Variants in SEMA6D observed in about 807,000 individuals in gnomAD.
SEMA6D encodes semaphorin 6D.
SEMA6D carries 35 observed loss-of-function variants against 106.6 expected under a neutral mutation model. The observed-to-expected ratio is 0.33, with a 90% CI of 0.25 to 0.44. The LOEUF (loss-of-function observed/expected upper bound fraction) is 0.44, where lower values mean the gene tolerates loss of function less well. Among genes scored for constraint, SEMA6D ranks in the 20% least tolerant of loss-of-function variants. The probability of loss-of-function intolerance (pLI) is 1.00; values close to 1 mark genes in which losing one functional copy is unlikely to be tolerated. For synonymous variants in SEMA6D, 499 were observed against 487.7 expected (o/e 1.02, Z -0.31); for missense variants, 1,185 against 1,345.9 (o/e 0.88, Z 1.87).
At chr15:47,766,490 G>GTT (rs950321375) in intron 15 of SEMA6D, 126 bp from the exon 16 acceptor site, 597 of 369,848 alleles carry the variant, frequency 1.6e-3, no homozygotes, top group South Asian at 3.8e-3. Context: ...TTAAAATGTT[G>GTT]TTTTTTTTTT....
chr15:47,576,020 A>C (rs2076151322), intron 3 of SEMA6D, among the ~76,000 whole-genome samples: 2 of 152,192 alleles, frequency 1.3e-5, no homozygotes, highest in Non-Finnish European at 2.9e-5. Flanking sequence ...TTGCATTACA[A>C]AATATTTTTA....
At chr15:47,289,287 AG>A (rs888766141) in intron 1 of SEMA6D, among the ~76,000 whole-genome samples, 1 of 150,704 alleles carries the variant, frequency 6.6e-6, no homozygotes, top group Non-Finnish European at 1.5e-5. Flanking sequence ...CCAGCTACTC[AG>A]GAGGCCAAAG....
At position 47,528,107 on chromosome 15, in the gene SEMA6D, T is replaced by C. The variant is rs542619854; in HGVS notation, c.-87+57562T>C. Among the ~76,000 whole-genome samples the C allele has an allele frequency of 3.3e-5, 5 of 152,340 alleles. No homozygotes were observed. The South Asian group carries it at 1.0e-3, about 32-fold the overall frequency. On this transcript the variant is annotated intron_variant, in intron 3 of 19. Transcript: ENST00000558014. ...AAAACCAAGGAAGGTGTAAGGCACCTGGTTGATGTAATCCTGAGTCTCTGT... is the reference window on the plus strand; with the variant it reads ...AAAACCAAGGAAGGTGTAAGGCACCCGGTTGATGTAATCCTGAGTCTCTGT...
At chr15:47,618,130 G>T (rs1434935049) in intron 4 of SEMA6D, among the ~76,000 whole-genome samples, 2 of 152,196 alleles carry the variant, frequency 1.3e-5, no homozygotes, top group African/African-American at 4.8e-5. Flanking sequence ...TTAATCCTCT[G>T]TCTGTAAGAT....
At chr15:47,361,902 C>G (rs1057429107) in intron 1 of SEMA6D, among the ~76,000 whole-genome samples, 3 of 152,178 alleles carry the variant, frequency 2.0e-5, no homozygotes, top group African/African-American at 4.8e-5. Context: ...GAGAAACAAA[C>G]TGTACTGTGT....
At chr15:47,284,456 C>T (rs1340977050) in intron 1 of SEMA6D, among the ~76,000 whole-genome samples, 1 of 152,112 alleles carries the variant, frequency 6.6e-6, no homozygotes, top group African/African-American at 2.4e-5. Context: ...GTTTTTAAGT[C>T]CGTTGTACTA....
chr15:47,512,340 C>A (rs1021737345), intron 3 of SEMA6D, among the ~76,000 whole-genome samples: 1 of 152,178 alleles, frequency 6.6e-6, no homozygotes, highest in African/African-American at 2.4e-5. Flanking sequence ...ATTTCTCCTG[C>A]ATGTGTGATC....
intron 2 of SEMA6D, among the ~76,000 whole-genome samples, chr15:47,461,549 A>G (rs2042510140): frequency 1.3e-5 from 2 of 152,108 alleles, no homozygotes; most frequent in South Asian, 4.1e-4. Context: ...CACATAGCAT[A>G]GAACAGTATT....
chr15:47,511,877 T>A (rs1479427423), intron 3 of SEMA6D, among the ~76,000 whole-genome samples: 1 of 152,116 alleles, frequency 6.6e-6, no homozygotes. Context: ...CAGTCTGAAA[T>A]GTGCACTGCA....
rs561568628 is a variant in SEMA6D at position 47,443,784 on chromosome 15, G to A, written c.-158-26690G>A. Among the ~76,000 whole-genome samples the A allele has an allele frequency of 5.8e-4, 88 of 152,188 alleles. 1 individual carries two copies. The South Asian group carries it at 0.018, about 31-fold the overall frequency. ...TTACCAAACTTCAGCAACTTCAGAA[G>A]CCCCTTGGCTTTTTTGGGAAAAAGA... is the stretch of plus-strand genomic sequence containing the variant. On this transcript the variant is annotated intron_variant, in intron 2 of 19. Coordinates refer to the SEMA6D transcript ENST00000558014.
chr15:47,251,906 G>GTTT, intron 1 of SEMA6D, among the ~76,000 whole-genome samples: 1 of 125,474 alleles, frequency 8.0e-6, no homozygotes, highest in East Asian at 4.3e-4. Context: ...TTTCTAATTG[G>GTTT]ATTTTTTTTT....
At chr15:47,436,637 A>G (rs1030647604) in intron 2 of SEMA6D, among the ~76,000 whole-genome samples, 2 of 150,888 alleles carry the variant, frequency 1.3e-5, no homozygotes, top group African/African-American at 4.8e-5. Flanking sequence ...AACATTAAAG[A>G]TGGATATTTT....
At chr15:47,394,162 G>T (rs1384236308) in intron 1 of SEMA6D, among the ~76,000 whole-genome samples, 1 of 152,140 alleles carries the variant, frequency 6.6e-6, no homozygotes, top group African/African-American at 2.4e-5. Flanking sequence ...GACTTGGGTA[G>T]CTTTCTTGGT....
intron 4 of SEMA6D, among the ~76,000 whole-genome samples, chr15:47,691,641 C>T (rs890371633): frequency 6.6e-6 from 1 of 151,968 alleles, no homozygotes; most frequent in Non-Finnish European, 1.5e-5. Context: ...ATAGTAGGTA[C>T]TTAATTAAAA....
intron 1 of SEMA6D, among the ~76,000 whole-genome samples, chr15:47,407,388 C>CAAAAAA (rs2040617013): frequency 1.3e-5 from 1 of 79,268 alleles, no homozygotes; most frequent in African/African-American, 4.6e-5. Flanking sequence ...AAAAAAAAAA[C>CAAAAAA]CAAAACAACA....
intron 7 of SEMA6D, among the ~76,000 whole-genome samples, chr15:47,761,977 C>T (rs1213542467): frequency 6.6e-6 from 1 of 152,084 alleles, no homozygotes; most frequent in African/African-American, 2.4e-5. Context: ...AGGCCAGTGG[C>T]CCCCGATAAG....
intron 1 of SEMA6D, among the ~76,000 whole-genome samples, chr15:47,755,768 T>G (rs573756889): frequency 6.6e-6 from 1 of 151,804 alleles, no homozygotes; most frequent in South Asian, 2.1e-4. Context: ...TCTTTATAGC[T>G]ATACTCTCAT....
chr15:47,474,809 A>T (rs1381756112), intron 3 of SEMA6D, among the ~76,000 whole-genome samples: 1 of 152,188 alleles, frequency 6.6e-6, no homozygotes, highest in Non-Finnish European at 1.5e-5. Flanking sequence ...ACTCTAGACA[A>T]TGACGTGTGA....
intron 2 of SEMA6D, among the ~76,000 whole-genome samples, chr15:47,441,664 A>T (rs16959502): frequency 0.28 from 41,874 of 151,962 alleles, 5,983 homozygotes; most frequent in East Asian, 0.4. Flanking sequence ...ATATACTGAA[A>T]TGTTTTATGG....
Sources: allele counts gnomAD v4.1 joint callset (sites outside exome capture counted in the v4.1 genomes callset), GRCh38; gene constraint gnomAD v4.1.1; transcripts MANE v1.5; gene names NCBI Gene and HGNC (gene_info 2026-07-23, HGNC 2026-07-21).